The following MYRFL variants were observed in gnomAD, a reference collection of about 807,000 sequenced individuals.
MYRFL encodes the protein myelin regulatory factor-like protein.
MYRFL carries 88 observed loss-of-function variants against 109.4 expected under a neutral mutation model. The observed-to-expected ratio is 0.80, with a 90% CI of 0.68 to 0.96. MYRFL has a LOEUF of 0.96. Among genes scored for constraint, MYRFL ranks in the 40% least tolerant of loss-of-function variants. The probability of loss-of-function intolerance (pLI) is 0.00; values close to 1 mark genes in which losing one functional copy is unlikely to be tolerated. For synonymous variants in MYRFL, 324 were observed against 320.9 expected (o/e 1.01, Z -0.10); for missense variants, 957 against 954.9 (o/e 1.00, Z -0.03).
intron 11 of MYRFL, 57 bp from the exon 12 acceptor site, chr12:69,909,912 T>A (rs1265469773): frequency 8.2e-7 from 1 of 1,226,794 alleles, no homozygotes; most frequent in South Asian, 1.5e-5. Context: ...CTCTGGGCAT[T>A]AATTTGAATA....
intron 1 of MYRFL, among the ~76,000 whole-genome samples, chr12:69,841,084 A>C (rs529728923): frequency 6.6e-6 from 1 of 152,252 alleles, no homozygotes. Flanking sequence ...GGTCAGTGTA[A>C]AACTATCTGC....
rs2136338299 is a variant in MYRFL at position 69,891,184 on chromosome 12, T to C, written c.903+18T>C. On this transcript the variant is annotated intron_variant, in intron 7 of 24. Coordinates refer to ENST00000552032, the MANE Select transcript of MYRFL (RefSeq NM_182530.3). ...GCACTAAGGTATGTCTTTTATTTAG[T>C]TCAGTTTATATCAGTCAACATTTAT... 1 of 1,474,126 alleles carries C rather than the reference T, an allele frequency of 6.8e-7. No individual in the cohort carries two copies. Among genetic ancestry groups the C allele is most frequent in the Admixed American group, 2.3e-5 (1 of 42,684 alleles). The allele number at this position is 1,474,126 out of a possible 1,614,324, so 91.3% of individuals were successfully genotyped here. A position where few individuals can be genotyped will look rare whatever the true frequency, so the allele number is the denominator to read the frequency against.
chr12:69,852,651 G>T (rs1162525264), intron 1 of MYRFL, among the ~76,000 whole-genome samples: 1 of 145,026 alleles, frequency 6.9e-6, no homozygotes, highest in Admixed American at 7.0e-5. Context: ...ATTTGGCAGG[G>T]TCATAGGACA....
chr12:69,867,746 C>T (rs1885093294), intron 2 of MYRFL, among the ~76,000 whole-genome samples: 1 of 152,138 alleles, frequency 6.6e-6, no homozygotes, highest in African/African-American at 2.4e-5. Flanking sequence ...ATAAGCTCTA[C>T]TGTGATGTTT....
chr12:69,956,081 T>G (rs1015945857), intron 22 of MYRFL, among the ~76,000 whole-genome samples: 4 of 152,092 alleles, frequency 2.6e-5, no homozygotes, highest in African/African-American at 9.7e-5. Flanking sequence ...ATGCCAGACT[T>G]TAATACTGGG....
intron 10 of MYRFL, among the ~76,000 whole-genome samples, chr12:69,897,655 C>A (rs73133608): frequency 0.051 from 7,763 of 152,330 alleles, 287 homozygotes; most frequent in Non-Finnish European, 0.074. Context: ...CATTGTTATA[C>A]TTTCACATTA....
At chr12:69,920,284 A>T (rs1310691527) in intron 13 of MYRFL, among the ~76,000 whole-genome samples, 1 of 152,094 alleles carries the variant, frequency 6.6e-6, no homozygotes, top group African/African-American at 2.4e-5. Context: ...TTCCATGGAC[A>T]TTTCCCAATA....
At chr12:69,852,355 A>G (rs1000309632) in intron 1 of MYRFL, among the ~76,000 whole-genome samples, 29 of 152,090 alleles carry the variant, frequency 1.9e-4, no homozygotes, top group African/African-American at 5.1e-4. Context: ...ATATATTTAG[A>G]TATCTTATGC....
chr12:69,927,094 G>A (rs372179196), intron 14 of MYRFL, among the ~76,000 whole-genome samples: 12 of 151,702 alleles, frequency 7.9e-5, no homozygotes, highest in African/African-American at 2.4e-4. Context: ...ACAGGTGCCC[G>A]CCACCATGCC....
intron 19 of MYRFL, among the ~76,000 whole-genome samples, chr12:69,947,958 A>G (rs1167914369): frequency 1.3e-5 from 2 of 152,054 alleles, no homozygotes; most frequent in Admixed American, 1.3e-4. Context: ...CTAAATCTTT[A>G]CTCTCCAGAA....
intron 16 of MYRFL, among the ~76,000 whole-genome samples, chr12:69,935,292 C>CA (rs567552304): frequency 9.7e-4 from 148 of 152,140 alleles, no homozygotes; most frequent in Middle Eastern, 6.8e-3. Context: ...GTCAAACTGG[C>CA]AAGAAGTCAA....
chr12:69,910,083 C>A lies in MYRFL; in HGVS notation c.1492+6C>A. 1 of 1,488,326 alleles carries A rather than the reference C, an allele frequency of 6.7e-7. No individual in the cohort carries two copies. The allele number at this position is 1,488,326 out of a possible 1,614,324, so 92.2% of individuals were successfully genotyped here. On this transcript the variant is annotated splice_donor_region_variant and intron_variant, in intron 12 of 24. Transcript: ENST00000552032. ...AAACACTGCCCATCAAACAGGTACA[C>A]ACACAAATTCCCCTTTTAATTTTGT... is the stretch of plus-strand genomic sequence containing the variant.
intron 2 of MYRFL, among the ~76,000 whole-genome samples, chr12:69,878,142 C>T (rs553323039): frequency 2.0e-5 from 3 of 149,800 alleles, no homozygotes; most frequent in Admixed American, 1.3e-4. Flanking sequence ...ACTTGGGAGG[C>T]TGAGTCAGGA....
chr12:69,827,411 T>G (rs904011892), intron 1 of MYRFL, among the ~76,000 whole-genome samples: 2 of 151,880 alleles, frequency 1.3e-5, no homozygotes, highest in African/African-American at 2.4e-5. Context: ...CAAGGGTGGT[T>G]GTTCTGGGTA....
intron 1 of MYRFL, among the ~76,000 whole-genome samples, chr12:69,837,450 T>C (rs943949325): frequency 6.6e-6 from 1 of 152,098 alleles, no homozygotes; most frequent in Admixed American, 6.6e-5. Context: ...TTCATTGTTC[T>C]GAGCCCTGTC....
chr12:69,903,683 T>C lies in MYRFL; in HGVS notation c.1222T>C (p.Leu408=), dbSNP rs1954261504. 3.9e-6 allele frequency: 6 copies of C among 1,535,850 alleles called. No individual in the cohort carries two copies. The highest frequency in any genetic ancestry group is 1.7e-4 in the Middle Eastern group (1 of 5,964). ...PGQFENDSDA[L]WQRGQVPESI... Reference sequence around the variant, plus strand: ...GCAGTTTGAAAATGACAGTGATGCATTGTGGCAGCGAGGACAAGTTCCAGA... The same window carrying C: ...GCAGTTTGAAAATGACAGTGATGCACTGTGGCAGCGAGGACAAGTTCCAGA... Residue 408 remains leucine, a synonymous_variant, in exon 11 of 25, where the codon TTG becomes CTG. Coordinates refer to ENST00000552032, the MANE Select transcript of MYRFL (RefSeq NM_182530.3).
chr12:69,863,842 A>G (rs540597437), intron 2 of MYRFL, among the ~76,000 whole-genome samples: 2 of 152,260 alleles, frequency 1.3e-5, no homozygotes, highest in South Asian at 4.2e-4. Context: ...TTTGTTGGTG[A>G]TAGATTTTCT....
chr12:69,846,106 CTTTTTTTTTTT>C lies in MYRFL; in HGVS notation c.47-9157_47-9147del, dbSNP rs60251292. 8.1e-5 allele frequency among the ~76,000 whole-genome samples: 5 copies of C among 61,726 alleles called. No individual in the cohort carries two copies. The East Asian group carries it at 2.1e-3, about 27-fold the overall frequency. 40.5% of individuals were successfully genotyped at this position (61,726 alleles called of 152,430 possible). On this transcript the variant is annotated intron_variant, in intron 1 of 24. Transcript: ENST00000552032. ...CTTTTAGATATTGGCTATTGACTAT[CTTTTTTTTTTT>C]TTTTTTTTTTTTTTTTATGACTGCC...
At chr12:69,946,285 T>G (rs1364836809) in intron 19 of MYRFL, among the ~76,000 whole-genome samples, 1 of 152,082 alleles carries the variant, frequency 6.6e-6, no homozygotes. Flanking sequence ...ACAAATGAAA[T>G]TTATGTTGTG....
Sources: allele counts gnomAD v4.1 joint callset (sites outside exome capture counted in the v4.1 genomes callset), GRCh38; gene constraint gnomAD v4.1.1; transcripts MANE v1.5; gene names NCBI Gene and HGNC (gene_info 2026-07-23, HGNC 2026-07-21).